The following DGKB variants were observed in gnomAD, a reference collection of about 807,000 sequenced individuals.
DGKB encodes 90 kDa diacylglycerol kinase.
DGKB carries 67 observed loss-of-function variants against 114.3 expected under a neutral mutation model. The observed-to-expected ratio is 0.59, with a 90% CI of 0.48 to 0.72. The LOEUF (loss-of-function observed/expected upper bound fraction) is 0.72. Among genes scored for constraint, DGKB ranks in the 30% least tolerant of loss-of-function variants. The probability of loss-of-function intolerance (pLI) is 0.00; values close to 1 mark genes in which losing one functional copy is unlikely to be tolerated. For synonymous variants in DGKB, 398 were observed against 323.1 expected (o/e 1.23, Z -2.49); for missense variants, 907 against 975.2 (o/e 0.93, Z 0.93).
Position 14,461,057 on chromosome 7 carries a change from A to C in DGKB, c.1835+17104T>G, listed in dbSNP as rs546005142. On this transcript the variant is annotated intron_variant, in intron 21 of 25. Transcript: ENST00000402815. ...AATAATTTCTTTGAAATCAATTAGA[A>C]CAAAGACACAATGTACCAGAATTTC... 2.0e-5 allele frequency among the ~76,000 whole-genome samples: 3 copies of C among 152,328 alleles called. No homozygotes were observed. The South Asian group carries it at 6.2e-4, about 32-fold the overall frequency.
intron 14 of DGKB, among the ~76,000 whole-genome samples, chr7:14,623,869 A>C (rs1808094238): frequency 6.6e-6 from 1 of 152,176 alleles, no homozygotes; most frequent in Admixed American, 6.6e-5. Flanking sequence ...AGAATGCCTG[A>C]GTTGAATCTC....
chr7:14,323,349 AG>A (rs1441053137), intron 23 of DGKB, among the ~76,000 whole-genome samples: 1 of 152,144 alleles, frequency 6.6e-6, no homozygotes, highest in African/African-American at 2.4e-5. Context: ...GTGGTTACAT[AG>A]GTGTATTGAC....
At chr7:14,493,052 T>C (rs1209738497) in intron 20 of DGKB, among the ~76,000 whole-genome samples, 1 of 152,128 alleles carries the variant, frequency 6.6e-6, no homozygotes, top group Non-Finnish European at 1.5e-5. Context: ...GTATTTCTGA[T>C]AAAATAGTTT....
intron 2 of DGKB, among the ~76,000 whole-genome samples, chr7:14,837,245 C>T (rs900814166): frequency 6.6e-6 from 1 of 152,146 alleles, no homozygotes; most frequent in African/African-American, 2.4e-5. Context: ...CAGTATCACC[C>T]TACTTATCCT....
chr7:14,628,744 A>C (rs1377048347), intron 14 of DGKB, among the ~76,000 whole-genome samples: 1 of 152,144 alleles, frequency 6.6e-6, no homozygotes, highest in Non-Finnish European at 1.5e-5. Context: ...GTGTATTCAC[A>C]CACTCAGCCA....
intron 23 of DGKB, among the ~76,000 whole-genome samples, chr7:14,334,644 G>A (rs996509181): frequency 2.0e-5 from 3 of 151,790 alleles, no homozygotes; most frequent in African/African-American, 7.3e-5. Context: ...TAACTCAATG[G>A]AACACAGTTT....
intron 23 of DGKB, among the ~76,000 whole-genome samples, chr7:14,324,061 G>A (rs1808299695): frequency 1.3e-5 from 2 of 152,132 alleles, no homozygotes; most frequent in African/African-American, 2.4e-5. Context: ...CAAGACATTA[G>A]TTAAGTTGAG....
intron 1 of DGKB, among the ~76,000 whole-genome samples, chr7:14,873,401 C>G (rs1852779227): frequency 6.6e-6 from 1 of 151,918 alleles, no homozygotes; most frequent in Non-Finnish European, 1.5e-5. Context: ...CGTCTTAAAA[C>G]ATGGAATTTA....
intron 1 of DGKB, among the ~76,000 whole-genome samples, chr7:14,912,691 G>A (rs1784056545): frequency 6.6e-6 from 1 of 152,098 alleles, no homozygotes; most frequent in Admixed American, 6.6e-5. Context: ...CAGTGTCAAG[G>A]CTAAATATTG....
intron 4 of DGKB, among the ~76,000 whole-genome samples, chr7:14,736,687 T>G (rs907293995): frequency 6.6e-6 from 1 of 152,216 alleles, no homozygotes; most frequent in African/African-American, 2.4e-5. Context: ...GAGGTTAACC[T>G]TAATGTTTCA....
intron 21 of DGKB, among the ~76,000 whole-genome samples, chr7:14,463,721 A>T (rs751787313): frequency 2.6e-4 from 39 of 152,324 alleles, no homozygotes; most frequent in Admixed American, 3.9e-4. Context: ...ACATATGTAA[A>T]CTAGAGCAAG....
intron 23 of DGKB, among the ~76,000 whole-genome samples, chr7:14,231,346 C>T (rs949572824): frequency 1.3e-5 from 2 of 151,834 alleles, no homozygotes; most frequent in African/African-American, 4.8e-5. Context: ...CTATGTTGCC[C>T]AGGCTGGTCT....
At chr7:14,554,370 G>C (rs1795569958) in intron 20 of DGKB, among the ~76,000 whole-genome samples, 2 of 152,068 alleles carry the variant, frequency 1.3e-5, no homozygotes, top group Admixed American at 1.3e-4. Context: ...TGGACAATTT[G>C]TTTTTGTAAT....
intron 20 of DGKB, among the ~76,000 whole-genome samples, chr7:14,533,490 A>C (rs1486944678): frequency 6.6e-6 from 1 of 151,836 alleles, no homozygotes; most frequent in Non-Finnish European, 1.5e-5. Context: ...TTTAAAAGTT[A>C]TTATTTTTAA....
chr7:14,581,342 T>A (rs1354587500), intron 18 of DGKB, among the ~76,000 whole-genome samples: 1 of 152,168 alleles, frequency 6.6e-6, no homozygotes, highest in East Asian at 1.9e-4. Context: ...CATAAAGTCC[T>A]TTTGCAACAT....
At chr7:14,736,957 G>A (rs1831814280) in intron 4 of DGKB, among the ~76,000 whole-genome samples, 1 of 152,176 alleles carries the variant, frequency 6.6e-6, no homozygotes, top group African/African-American at 2.4e-5. Context: ...CCTTGCAGAT[G>A]AAGGCAGTGC....
At position 14,940,766 on chromosome 7, in the gene DGKB, TCTTC is replaced by T. The variant is rs1587423244; in HGVS notation, c.-188+33926_-188+33929del. Among the ~76,000 whole-genome samples the T allele has an allele frequency of 4.7e-5, 7 of 150,158 alleles. 1 individual carries two copies. Among genetic ancestry groups the T allele is most frequent in the African/African-American group, 1.7e-4 (7 of 41,492 alleles). On this transcript the variant is annotated intron_variant, in intron 1 of 4. Coordinates refer to the DGKB transcript ENST00000437998. The stretch of plus-strand genomic sequence containing the variant: ...ATAATTTCTTTTGTTTCCTCTTTAT[TCTTC>T]CTTTATTTATTTATTTTTTATTTTT...
intron 7 of DGKB, 117 bp from the exon 8 acceptor site, chr7:14,698,286 G>C: frequency 1.6e-6 from 1 of 618,380 alleles, no homozygotes; most frequent in Non-Finnish European, 2.8e-6. Flanking sequence ...TGAGTTCTAT[G>C]GGAATATATA....
At chr7:14,358,960 A>G (rs1815153987) in intron 21 of DGKB, among the ~76,000 whole-genome samples, 2 of 152,176 alleles carry the variant, frequency 1.3e-5, no homozygotes, top group South Asian at 4.1e-4. Context: ...TAAAGTTCAT[A>G]TGGGACCAAA....
Sources: allele counts gnomAD v4.1 joint callset (sites outside exome capture counted in the v4.1 genomes callset), GRCh38; gene constraint gnomAD v4.1.1; transcripts MANE v1.5; gene names NCBI Gene and HGNC (gene_info 2026-07-23, HGNC 2026-07-21).